Variants in SLC44A1 observed in about 807,000 individuals in gnomAD.
SLC44A1 encodes choline transporter-like protein 1.
SLC44A1 carries 26 observed loss-of-function variants against 79.3 expected under a neutral mutation model. That is an observed-to-expected ratio of 0.33 (90% CI 0.24 to 0.46). The LOEUF is 0.46. Among genes scored for constraint, SLC44A1 ranks in the 20% least tolerant of loss-of-function variants. The pLI, the probability that SLC44A1 is intolerant of heterozygous loss-of-function variation, is 1.00. For synonymous variants in SLC44A1, 263 were observed against 286.2 expected, an observed-to-expected ratio of 0.92 and a Z score of 0.82; for missense variants, 688 against 798.1, an observed-to-expected ratio of 0.86 and a Z score of 1.66.
At chr9:105,351,563 A>G (rs1432271341) in intron 5 of SLC44A1, among the ~76,000 whole-genome samples, 18 of 118,696 alleles carry the variant, frequency 1.5e-4, no homozygotes, top group African/African-American at 2.6e-4. Flanking sequence ...AAAGAGAGAA[A>G]GAGAGAAAGA....
At chr9:105,295,766 G>T (rs547478772) in intron 1 of SLC44A1, among the ~76,000 whole-genome samples, 2 of 152,130 alleles carry the variant, frequency 1.3e-5, no homozygotes, top group Admixed American at 1.3e-4. Context: ...GGGAGTGGGG[G>T]GGAGGGCGCC....
At chr9:105,357,099 A>G (rs1315718208) in intron 6 of SLC44A1, 1 of 152,194 alleles carries the variant, frequency 6.6e-6, no homozygotes, top group South Asian at 2.1e-4. Flanking sequence ...GAGAAGATAC[A>G]AGCTGTATTT....
chr9:105,361,816 A>G (rs1638479783), intron 8 of SLC44A1, among the ~76,000 whole-genome samples: 1 of 152,132 alleles, frequency 6.6e-6, no homozygotes, highest in Non-Finnish European at 1.5e-5. Context: ...ACTTTGGGAG[A>G]CTGAAGTGGG....
At chr9:105,373,542 A>G (rs142214232) in intron 12 of SLC44A1, among the ~76,000 whole-genome samples, 328 of 152,302 alleles carry the variant, frequency 2.2e-3, no homozygotes, top group South Asian at 0.011. Flanking sequence ...GCTCAGCTCA[A>G]TCTGACCTGA....
intron 15 of SLC44A1, among the ~76,000 whole-genome samples, chr9:105,432,485 C>T (rs1038901806): frequency 6.6e-6 from 1 of 152,184 alleles, no homozygotes; most frequent in Non-Finnish European, 1.5e-5. Flanking sequence ...GGTTAACATG[C>T]AAGTTGTAAA....
intron 5 of SLC44A1, 197 bp from the exon 6 acceptor site, chr9:105,356,015 G>A (rs1210809197): frequency 1.1e-5 from 6 of 570,292 alleles, no homozygotes; most frequent in Non-Finnish European, 1.5e-5. Context: ...TCTTTGATAA[G>A]GCTTGTGGTA....
intron 15 of SLC44A1, among the ~76,000 whole-genome samples, chr9:105,418,900 A>G (rs1829209330): frequency 6.6e-6 from 1 of 152,334 alleles, no homozygotes; most frequent in South Asian, 2.1e-4. Context: ...AATTTAGGTA[A>G]AAGTTAATCT....
rs1440877513 is a variant in SLC44A1 at position 105,391,513 on chromosome 9, A to G, written c.*2457A>G. ...ATGTGCCGTGTAGAAATATGCAGAT[A>G]TGCATTACACAGGCACACACAGAGA... On this transcript the variant is annotated 3_prime_UTR_variant, in exon 16 of 16. Transcript: ENST00000374720. The G allele has an allele frequency of 2.0e-6, 2 of 985,492 alleles. No homozygotes were observed. Among genetic ancestry groups the G allele is most frequent in the South Asian group, 4.7e-5 (1 of 21,282 alleles). 61.0% of individuals were successfully genotyped at this position (985,492 alleles called of 1,614,324 possible). A position where few individuals can be genotyped will look rare whatever the true frequency, so the allele number is the denominator to read the frequency against.
At chr9:105,385,539 T>C in intron 15 of SLC44A1, 37 bp downstream of exon 15, 2 of 1,551,982 alleles carry the variant, frequency 1.3e-6, no homozygotes, top group Non-Finnish European at 1.7e-6. Context: ...CCTCCAAGAA[T>C]TTCACTTTCA....
intron 5 of SLC44A1, among the ~76,000 whole-genome samples, chr9:105,355,242 T>C (rs190473061): frequency 4.9e-4 from 74 of 152,340 alleles, no homozygotes; most frequent in African/African-American, 1.7e-3. Flanking sequence ...TCTTATTGAT[T>C]AGTGTATACT....
intron 4 of SLC44A1, among the ~76,000 whole-genome samples, chr9:105,340,291 C>A (rs943716419): frequency 6.6e-6 from 1 of 152,118 alleles, no homozygotes; most frequent in Admixed American, 6.5e-5. Flanking sequence ...AATCCAGTCA[C>A]AAAAGGACAA....
intron 3 of SLC44A1, among the ~76,000 whole-genome samples, chr9:105,314,283 G>T (rs1281375384): frequency 6.6e-6 from 1 of 152,144 alleles, no homozygotes; most frequent in Non-Finnish European, 1.5e-5. Context: ...CATGTGCTGG[G>T]TGCCTGAGAT....
At chr9:105,404,886 T>C (rs1341495194) in intron 15 of SLC44A1, among the ~76,000 whole-genome samples, 2 of 152,180 alleles carry the variant, frequency 1.3e-5, no homozygotes, top group Non-Finnish European at 2.9e-5. Context: ...TTTATAGGGA[T>C]TGTGTAAGAC....
intron 14 of SLC44A1, among the ~76,000 whole-genome samples, 196 bp downstream of exon 14, chr9:105,383,555 T>G (rs569719083): frequency 1.6e-4 from 24 of 152,344 alleles, no homozygotes; most frequent in African/African-American, 5.8e-4. Flanking sequence ...CAAGATCATT[T>G]CAGATCCACC....
At chr9:105,271,255 T>A (rs1830069388) in intron 1 of SLC44A1, among the ~76,000 whole-genome samples, 1 of 152,240 alleles carries the variant, frequency 6.6e-6, no homozygotes, top group South Asian at 2.1e-4. Flanking sequence ...TAATTTTCTG[T>A]ATAGCATGGA....
At chr9:105,273,027 T>C (rs978886645) in intron 1 of SLC44A1, among the ~76,000 whole-genome samples, 5 of 152,092 alleles carry the variant, frequency 3.3e-5, no homozygotes, top group African/African-American at 9.7e-5. Context: ...AGTCTTGCTC[T>C]GTCACCCAGG....
At chr9:105,423,453 G>A (rs375308123) in intron 15 of SLC44A1, among the ~76,000 whole-genome samples, 9 of 152,206 alleles carry the variant, frequency 5.9e-5, no homozygotes, top group East Asian at 3.9e-4. Context: ...GCAACAGAGC[G>A]AGGCTCGGTC....
chr9:105,308,084 T>A (rs1016331708), intron 2 of SLC44A1, among the ~76,000 whole-genome samples: 2 of 152,138 alleles, frequency 1.3e-5, no homozygotes, highest in Non-Finnish European at 2.9e-5. Flanking sequence ...TGGTAAGTGG[T>A]TTTAACTTTA....
chr9:105,348,216 T>C (rs1827297831), intron 4 of SLC44A1, 142 bp from the exon 5 acceptor site: 4 of 540,198 alleles, frequency 7.4e-6, no homozygotes, highest in Non-Finnish European at 9.9e-6. Flanking sequence ...GATTGAGGAC[T>C]TATAATATGG....
Sources: gnomAD v4.1 joint callset for allele counts (sites outside exome capture counted in the v4.1 genomes callset) on GRCh38, gnomAD v4.1.1 for gene constraint, MANE v1.5 for transcripts, NCBI Gene and HGNC (gene_info 2026-07-23, HGNC 2026-07-21) for gene names.